The following DACH1 variants were observed in gnomAD, a reference collection of about 807,000 sequenced individuals.
The protein encoded by DACH1 is dachshund family transcription factor 1.
Under a neutral mutation model 54.2 loss-of-function variants are expected in DACH1, and 12 were observed. The observed-to-expected ratio is 0.22, with a 90% CI of 0.14 to 0.36. DACH1 has a LOEUF of 0.36. Among genes scored for constraint, DACH1 ranks in the 10% least tolerant of loss-of-function variants. The pLI is 1.00. For missense variants in DACH1, 805 were observed against 929.8 expected (o/e 0.87, Z 1.75); for synonymous variants, 386 against 366.2 (o/e 1.05, Z -0.62).
intron 1 of DACH1, among the ~76,000 whole-genome samples, chr13:71,857,325 G>T (rs981905943): frequency 2.6e-5 from 4 of 151,410 alleles, no homozygotes; most frequent in Non-Finnish European, 4.4e-5. Flanking sequence ...TTGTATTTCA[G>T]TAAAATAGGA....
rs545273640 is a variant in DACH1 at position 71,501,914 on chromosome 13, TG to T, written c.1571-12767del. ...GTTATACTTATTTTACACATTAATA[TG>T]TAGAGGTAAAAGAAGTTAATTAACT... On this transcript the variant is annotated intron_variant, in intron 6 of 10. Coordinates refer to ENST00000613252, the MANE Select transcript of DACH1 (RefSeq NM_080759.6). Among the ~76,000 whole-genome samples the T allele has an allele frequency of 4.6e-3, 702 of 152,258 alleles. 1 individual carries two copies. Among genetic ancestry groups the T allele is most frequent in the Non-Finnish European group, 6.7e-3 (453 of 68,028 alleles).
intron 6 of DACH1, among the ~76,000 whole-genome samples, chr13:71,519,482 G>T (rs914802358): frequency 2.0e-5 from 3 of 151,396 alleles, no homozygotes; most frequent in African/African-American, 7.3e-5. Flanking sequence ...CATTAGGCAG[G>T]TTTCCTACCA....
chr13:71,607,335 T>C (rs1171974826), intron 3 of DACH1, among the ~76,000 whole-genome samples: 1 of 152,030 alleles, frequency 6.6e-6, no homozygotes, highest in Non-Finnish European at 1.5e-5. Flanking sequence ...TTGTTTTGTA[T>C]AAAACATTCT....
chr13:71,739,151 C>G (rs1884276448), intron 1 of DACH1, among the ~76,000 whole-genome samples: 1 of 152,066 alleles, frequency 6.6e-6, no homozygotes, highest in African/African-American at 2.4e-5. Flanking sequence ...ACGTGGGAAG[C>G]TGAGGCAGGA....
chr13:71,739,598 C>T (rs186823926), intron 1 of DACH1, among the ~76,000 whole-genome samples: 1 of 151,982 alleles, frequency 6.6e-6, no homozygotes, highest in African/African-American at 2.4e-5. Flanking sequence ...GCACTATCTA[C>T]CTTTCAGGTG....
chr13:71,511,296 AAATTTGTGGG>A (rs1880756483), intron 6 of DACH1, among the ~76,000 whole-genome samples: 1 of 152,004 alleles, frequency 6.6e-6, no homozygotes, highest in African/African-American at 2.4e-5. Flanking sequence ...ATTGAGAAAA[AAATTTGTGGG>A]AATTTGTGAG....
chr13:71,517,961 A>C (rs1254983031), intron 6 of DACH1, among the ~76,000 whole-genome samples: 3 of 151,922 alleles, frequency 2.0e-5, no homozygotes, highest in Non-Finnish European at 4.4e-5. Context: ...AGTGAGCCTA[A>C]CTGAAGAAGC....
intron 3 of DACH1, among the ~76,000 whole-genome samples, chr13:71,594,784 T>C (rs904062772): frequency 6.6e-6 from 1 of 152,142 alleles, no homozygotes; most frequent in Admixed American, 6.6e-5. Context: ...TATTTTTTCA[T>C]ATGTTTCTGT....
chr13:71,659,160 A>G (rs762261504), intron 2 of DACH1, among the ~76,000 whole-genome samples: 1 of 152,182 alleles, frequency 6.6e-6, no homozygotes, highest in Admixed American at 6.6e-5. Flanking sequence ...TACGTAATGA[A>G]TACTGAGAGG....
rs548364324 is a variant in DACH1, at chr13:71,527,730, C to T, written c.1570+29294G>A. 5.3e-5 allele frequency among the ~76,000 whole-genome samples: 8 copies of T among 152,284 alleles called. No homozygotes were observed. In the South Asian group the frequency reaches 1.0e-3, roughly 20 times the overall value. On this transcript the variant is annotated intron_variant, in intron 6 of 10. Transcript: ENST00000613252. ...TTTGGTCTGGCTTAAATTAACATAT[C>T]TCAGCAGTCAGAAGTCATTAAGCTT...
At chr13:71,467,874 T>C (rs895010639) in intron 10 of DACH1, among the ~76,000 whole-genome samples, 5 of 152,058 alleles carry the variant, frequency 3.3e-5, no homozygotes, top group African/African-American at 7.2e-5. Context: ...TCGAGAAAAA[T>C]GGTTTAAGGT....
chr13:71,853,980 G>A (rs1873836716), intron 1 of DACH1, among the ~76,000 whole-genome samples: 1 of 152,000 alleles, frequency 6.6e-6, no homozygotes, highest in South Asian at 2.1e-4. Flanking sequence ...CTGATCAAGA[G>A]ATTTCCCAAG....
intron 6 of DACH1, among the ~76,000 whole-genome samples, chr13:71,556,417 T>C (rs1252306475): frequency 3.3e-5 from 5 of 152,138 alleles, no homozygotes; most frequent in Non-Finnish European, 5.9e-5. Flanking sequence ...ATTTCTAATA[T>C]GCTGACTAAA....
chr13:71,546,615 C>G (rs890888424), intron 6 of DACH1, among the ~76,000 whole-genome samples: 11 of 151,786 alleles, frequency 7.2e-5, no homozygotes, highest in Non-Finnish European at 1.3e-4. Context: ...TTTTAAAAAG[C>G]ATTTCTATAC....
chr13:71,478,565 A>G (rs994941318), intron 8 of DACH1, among the ~76,000 whole-genome samples: 1 of 152,188 alleles, frequency 6.6e-6, no homozygotes, highest in Non-Finnish European at 1.5e-5. Context: ...GATGCACCAT[A>G]CAGTGTGACA....
intron 1 of DACH1, among the ~76,000 whole-genome samples, chr13:71,682,917 A>C (rs1420276363): frequency 6.6e-6 from 1 of 152,190 alleles, no homozygotes; most frequent in Non-Finnish European, 1.5e-5. Context: ...CCTCTGTATC[A>C]TAAATGTGCT....
chr13:71,515,259 G>T (rs1052066835), intron 6 of DACH1, among the ~76,000 whole-genome samples: 1 of 151,894 alleles, frequency 6.6e-6, no homozygotes, highest in African/African-American at 2.4e-5. Flanking sequence ...CCCTGTAAGT[G>T]CAAGTAAAGT....
At chr13:71,697,810 T>G (rs1209787973) in intron 1 of DACH1, among the ~76,000 whole-genome samples, 1 of 152,148 alleles carries the variant, frequency 6.6e-6, no homozygotes. Flanking sequence ...TTTAATACCA[T>G]TGGAAGGCTA....
intron 1 of DACH1, among the ~76,000 whole-genome samples, chr13:71,840,365 C>A (rs1396784227): frequency 6.6e-6 from 1 of 151,938 alleles, no homozygotes; most frequent in Non-Finnish European, 1.5e-5. Context: ...AAAAATCTTC[C>A]AATGGAAAAA....
Sources: allele counts gnomAD v4.1 joint callset (sites outside exome capture counted in the v4.1 genomes callset), GRCh38; gene constraint gnomAD v4.1.1; transcripts MANE v1.5; gene names NCBI Gene and HGNC (gene_info 2026-07-23, HGNC 2026-07-21).